The following HDAC4 variants were observed in gnomAD, a reference collection of about 807,000 sequenced individuals.
HDAC4 encodes the protein histone deacetylase 4.
A neutral mutation model predicts 135.1 loss-of-function variants in HDAC4; 16 were observed. That is an observed-to-expected ratio of 0.12 (90% CI 0.08 to 0.18). HDAC4 has a LOEUF of 0.18. Ranked by LOEUF, HDAC4 falls within the 10% of genes least tolerant of loss-of-function variation. The pLI is 1.00. For synonymous variants in HDAC4, 685 were observed against 653.4 expected (o/e 1.05, Z -0.74); for missense variants, 1,143 against 1,511.8 (o/e 0.76, Z 4.05).
chr2:239,366,170 C>T lies in HDAC4; in HGVS notation c.-219-13252G>A, dbSNP rs6752883. ...ACAGAGCAGGGTCGTCAGGGTCATG[C>T]GTGTGGCACTATGTGACACATACAG... On this transcript the variant is annotated intron_variant, in intron 1 of 26. Coordinates refer to ENST00000543185, the MANE Select transcript of HDAC4 (RefSeq NM_001378414.1). Among the ~76,000 whole-genome samples, 253 of 150,290 alleles carry T rather than the reference C, an allele frequency of 1.7e-3. 1 individual carries two copies. Among genetic ancestry groups the T allele is most frequent in the African/African-American group, 5.8e-3 (234 of 40,612 alleles).
chr2:239,257,995 T>C (rs939444767), intron 2 of HDAC4, among the ~76,000 whole-genome samples: 1 of 152,226 alleles, frequency 6.6e-6, no homozygotes, highest in Admixed American at 6.5e-5. Flanking sequence ...AATAGTGTTC[T>C]AGTAACGATA....
At chr2:239,327,787 G>T (rs932005373) in intron 2 of HDAC4, among the ~76,000 whole-genome samples, 1 of 152,178 alleles carries the variant, frequency 6.6e-6, no homozygotes. Flanking sequence ...CAAGCCTAGA[G>T]ACACCCTGGC....
At chr2:239,175,336 C>T (rs978993376) in intron 5 of HDAC4, among the ~76,000 whole-genome samples, 5 of 152,186 alleles carry the variant, frequency 3.3e-5, no homozygotes, top group African/African-American at 4.8e-5. Flanking sequence ...CCCTGCACCC[C>T]GGGGACACGC....
chr2:239,219,525 G>A (rs935757940), intron 3 of HDAC4, among the ~76,000 whole-genome samples: 1 of 151,934 alleles, frequency 6.6e-6, no homozygotes, highest in Non-Finnish European at 1.5e-5. Flanking sequence ...TGTAAATGAC[G>A]AGTTAATGGG....
chr2:239,233,426 C>T (rs904948797), intron 3 of HDAC4, among the ~76,000 whole-genome samples: 3 of 151,328 alleles, frequency 2.0e-5, no homozygotes, highest in Non-Finnish European at 4.4e-5. Flanking sequence ...GGATGCTCAA[C>T]CAGTAAGAAT....
At chr2:239,089,301 T>C (rs1021808580) in intron 18 of HDAC4, among the ~76,000 whole-genome samples, 2 of 152,114 alleles carry the variant, frequency 1.3e-5, no homozygotes, top group Non-Finnish European at 2.9e-5. Flanking sequence ...AAGACATTAG[T>C]GCTATTTTTA....
At chr2:239,056,822 G>A (rs894071742) in intron 24 of HDAC4, among the ~76,000 whole-genome samples, 3 of 152,228 alleles carry the variant, frequency 2.0e-5, no homozygotes, top group African/African-American at 7.2e-5. Flanking sequence ...TCAGTGAGCC[G>A]TGCTGGCAGC....
intron 2 of HDAC4, among the ~76,000 whole-genome samples, chr2:239,265,977 C>G (rs983968339): frequency 1.1e-4 from 17 of 152,150 alleles, no homozygotes; most frequent in Admixed American, 1.0e-3. Context: ...CCTCATACAC[C>G]AACCGTATGG....
intron 3 of HDAC4, among the ~76,000 whole-genome samples, chr2:239,214,098 A>G (rs1050826939): frequency 3.3e-5 from 5 of 152,214 alleles, no homozygotes; most frequent in African/African-American, 1.2e-4. Flanking sequence ...ACGTATGTTT[A>G]TTATCTTACA....
chr2:239,261,520 C>T (rs892999152), intron 2 of HDAC4, among the ~76,000 whole-genome samples: 10 of 152,146 alleles, frequency 6.6e-5, no homozygotes, highest in East Asian at 1.9e-4. Context: ...TGACAAAACA[C>T]GCTTCAACAG....
chr2:239,314,269 G>A (rs879600391), intron 2 of HDAC4, among the ~76,000 whole-genome samples: 6 of 152,220 alleles, frequency 3.9e-5, no homozygotes, highest in Non-Finnish European at 7.3e-5. Context: ...GCGGGAGTAA[G>A]TCCCGGAAAG....
chr2:239,199,599 T>C (rs77176790), intron 3 of HDAC4, among the ~76,000 whole-genome samples: 1 of 152,172 alleles, frequency 6.6e-6, no homozygotes, highest in Non-Finnish European at 1.5e-5. Context: ...GGTCACTGTT[T>C]ACGAATGCTC....
At chr2:239,181,702 T>C (rs1400654061) in intron 4 of HDAC4, among the ~76,000 whole-genome samples, 4 of 152,144 alleles carry the variant, frequency 2.6e-5, no homozygotes, top group Non-Finnish European at 4.4e-5. Context: ...TAAAACCTGC[T>C]CCACCCACCT....
intron 1 of HDAC4, among the ~76,000 whole-genome samples, chr2:239,367,913 GGTGGCA>G (rs1260548530): frequency 6.6e-6 from 1 of 151,962 alleles, no homozygotes; most frequent in East Asian, 1.9e-4. Flanking sequence ...GGGAGGCGGA[GGTGGCA>G]GTGAGCCGAG....
chr2:239,166,746 C>G (rs1005167884), intron 5 of HDAC4, among the ~76,000 whole-genome samples: 1 of 152,102 alleles, frequency 6.6e-6, no homozygotes, highest in Non-Finnish European at 1.5e-5. Flanking sequence ...AATATACAAA[C>G]TGCCTCCACA....
rs554664316 is a variant in HDAC4, at chr2:239,126,286, T to TG, written c.1533+169dup. ...CTCCCAGCAGCATCCCTTCTGCCCC[T>TG]GCCCCTGCCCAGCTCTGTGCTGTGG... On this transcript the variant is annotated intron_variant, in intron 12 of 26. Transcript: ENST00000543185. 2.0e-5 allele frequency among the ~76,000 whole-genome samples: 3 copies of TG among 152,368 alleles called. No individual in the cohort carries two copies. The South Asian group carries it at 6.2e-4, about 32-fold the overall frequency.
At chr2:239,360,728 G>T (rs1037174840) in intron 1 of HDAC4, among the ~76,000 whole-genome samples, 1 of 152,206 alleles carries the variant, frequency 6.6e-6, no homozygotes, top group African/African-American at 2.4e-5. Flanking sequence ...AAGAGTACTA[G>T]ACAGGGAGCG....
chr2:239,274,388 G>A (rs2050229925), intron 2 of HDAC4, among the ~76,000 whole-genome samples: 1 of 152,092 alleles, frequency 6.6e-6, no homozygotes, highest in Admixed American at 6.6e-5. Flanking sequence ...CAAACGACAG[G>A]ACAAGCCCAG....
At chr2:239,208,170 A>C (rs1575411044) in intron 3 of HDAC4, among the ~76,000 whole-genome samples, 1 of 151,470 alleles carries the variant, frequency 6.6e-6, no homozygotes, top group Admixed American at 6.6e-5. Context: ...AAAATACAAA[A>C]AAAAAAAATA....
Sources: allele counts gnomAD v4.1 joint callset (sites outside exome capture counted in the v4.1 genomes callset), GRCh38; gene constraint gnomAD v4.1.1; transcripts MANE v1.5; gene names NCBI Gene and HGNC (gene_info 2026-07-23, HGNC 2026-07-21).